CNGB3: variants seen among roughly 807,000 people sequenced by gnomAD.
CNGB3 encodes cyclic nucleotide-gated channel beta-3.
Under a neutral mutation model 92.8 loss-of-function variants are expected in CNGB3, and 86 were observed. The observed-to-expected ratio is 0.93, with a 90% CI of 0.78 to 1.11. The LOEUF is 1.11. Among genes scored for constraint, CNGB3 ranks in the 50% least tolerant of loss-of-function variants. The pLI, the probability that CNGB3 is intolerant of heterozygous loss-of-function variation, is 0.00. For synonymous variants in CNGB3, 333 were observed against 332.7 expected, an observed-to-expected ratio of 1.00 and a Z score of -0.01; for missense variants, 1,026 against 956.8, an observed-to-expected ratio of 1.07 and a Z score of -0.95.
intron 11 of CNGB3, among the ~76,000 whole-genome samples, chr8:86,630,556 A>G (rs1161439908): frequency 1.3e-5 from 2 of 152,182 alleles, no homozygotes; most frequent in Admixed American, 1.3e-4. Context: ...ATCACAAAAT[A>G]GAATATTGTA....
chr8:86,586,221 T>A (rs1821886250), intron 15 of CNGB3, among the ~76,000 whole-genome samples: 1 of 152,226 alleles, frequency 6.6e-6, no homozygotes, highest in South Asian at 2.1e-4. Flanking sequence ...ACACCTGCCC[T>A]CAAGCTGTTT....
intron 3 of CNGB3, among the ~76,000 whole-genome samples, chr8:86,680,458 A>G (rs1313023090): frequency 1.3e-5 from 2 of 152,218 alleles, no homozygotes; most frequent in Non-Finnish European, 2.9e-5. Context: ...GGAAGTGAAT[A>G]CAAGGGACCA....
chr8:86,659,034 T>C (rs1322492097), intron 6 of CNGB3: 2 of 976,580 alleles, frequency 2.0e-6, no homozygotes, highest in Admixed American at 1.9e-5. Context: ...GGCCTCCACT[T>C]ATAGCTGCTG....
At chr8:86,726,416 T>C (rs746779319) in intron 3 of CNGB3, 115 bp downstream of exon 3, 1 of 1,395,660 alleles carries the variant, frequency 7.2e-7, no homozygotes, top group Non-Finnish European at 1.0e-6. Flanking sequence ...GTTATGTGAC[T>C]ATTGAATTTT....
intron 3 of CNGB3, among the ~76,000 whole-genome samples, chr8:86,690,710 T>C (rs1428007936): frequency 2.6e-5 from 4 of 151,886 alleles, no homozygotes; most frequent in African/African-American, 9.7e-5. Flanking sequence ...TGTAAGACTT[T>C]AATCCATCTT....
At chr8:86,692,837 C>A (rs1213723848) in intron 3 of CNGB3, among the ~76,000 whole-genome samples, 1 of 151,758 alleles carries the variant, frequency 6.6e-6, no homozygotes, top group Non-Finnish European at 1.5e-5. Context: ...GAAGTTTTTG[C>A]TTTAAGGATG....
intron 10 of CNGB3, among the ~76,000 whole-genome samples, chr8:86,633,350 T>C (rs1197632992): frequency 6.6e-6 from 1 of 152,228 alleles, no homozygotes; most frequent in Non-Finnish European, 1.5e-5. Context: ...CATTATGTCC[T>C]TTTGGAATGC....
Position 86,632,806 on chromosome 8 carries a change from A to G in CNGB3, c.1266T>C (p.Phe422=). Residue 422 remains phenylalanine, a synonymous_variant, in exon 11 of 18, where the codon TTT becomes TTC. Coordinates refer to ENST00000320005, the MANE Select transcript of CNGB3 (RefSeq NM_019098.5). Reference sequence around the variant, plus strand: ...CTCCAGAAAAAAAATTCAAGAGTTGAAAAACAATTTCAAATAAAGTTTGTG... The same window carrying G: ...CTCCAGAAAAAAAATTCAAGAGTTGGAAAACAATTTCAAATAAAGTTTGTG... ...PEPQTLFEIV[F]QLLNFFSGVF... The G allele has an allele frequency of 6.2e-7, 1 of 1,613,138 alleles. No individual in the cohort carries two copies. Among genetic ancestry groups the G allele is most frequent in the Non-Finnish European group, 8.5e-7 (1 of 1,179,856 alleles).
Position 86,601,356 on chromosome 8 carries a change from C to A in CNGB3, c.1781+2737G>T, listed in dbSNP as rs77174131. 6.9e-3 allele frequency among the ~76,000 whole-genome samples: 1,055 copies of A among 152,114 alleles called. 14 individuals are homozygous for A. The highest frequency in any genetic ancestry group is 0.024 in the African/African-American group (1,009 of 41,502). On this transcript the variant is annotated intron_variant, in intron 15 of 17. Transcript: ENST00000320005. ...ACCACAAGGCCATCTCTCAGCAGACCCTGGGTCTCTCTTTTAGAAATGGGG... is the reference window on the plus strand; with the variant it reads ...ACCACAAGGCCATCTCTCAGCAGACACTGGGTCTCTCTTTTAGAAATGGGG...
Position 86,574,259 on chromosome 8 carries a change from C to T in CNGB3, c.*1545G>A, listed in dbSNP as rs1012299376. 2.2e-4 allele frequency: 34 copies of T among 152,072 alleles called. No individual in the cohort carries two copies. The highest frequency in any genetic ancestry group is 7.5e-4 in the African/African-American group (31 of 41,398). The allele number at this position is 152,072 out of a possible 1,614,324, so 9.4% of individuals were successfully genotyped here. On this transcript the variant is annotated 3_prime_UTR_variant, in exon 18 of 18. Coordinates refer to ENST00000320005, the MANE Select transcript of CNGB3 (RefSeq NM_019098.5). The stretch of plus-strand genomic sequence containing the variant: ...AAGCATATTGCTCACAAGTTGAGGA[C>T]TTTTGTCCTTTTCTTTTCCTATTAT...
chr8:86,710,272 T>C (rs1242980384), intron 3 of CNGB3, among the ~76,000 whole-genome samples: 2 of 152,240 alleles, frequency 1.3e-5, no homozygotes, highest in Non-Finnish European at 2.9e-5. Flanking sequence ...CTATTTCCCA[T>C]GCCTGAAGTT....
At chr8:86,711,843 A>C (rs898039420) in intron 3 of CNGB3, among the ~76,000 whole-genome samples, 22 of 150,276 alleles carry the variant, frequency 1.5e-4, no homozygotes, top group South Asian at 4.2e-4. Context: ...CTCTATATAT[A>C]TATATATATG....
chr8:86,723,190 C>T (rs1825004144), intron 3 of CNGB3, among the ~76,000 whole-genome samples: 1 of 152,066 alleles, frequency 6.6e-6, no homozygotes, highest in African/African-American at 2.4e-5. Flanking sequence ...CTCCCCAGTA[C>T]CTATTGATCA....
chr8:86,609,426 A>T (rs1822476804), intron 14 of CNGB3, among the ~76,000 whole-genome samples: 1 of 152,160 alleles, frequency 6.6e-6, no homozygotes, highest in African/African-American at 2.4e-5. Flanking sequence ...GGGATTGTAT[A>T]TTCTTGCTTC....
intron 10 of CNGB3, among the ~76,000 whole-genome samples, chr8:86,638,841 T>TTTTGTTTG (rs1217512439): frequency 6.8e-6 from 1 of 147,994 alleles, no homozygotes; most frequent in African/African-American, 2.4e-5. Flanking sequence ...TTTTTTTTTG[T>TTTTGTTTG]TTTGTTTGTT....
rs1822983829 is a variant in CNGB3, at chr8:86,632,626, G to C, written c.1320+126C>G. On this transcript the variant is annotated intron_variant, in intron 11 of 17. Coordinates refer to ENST00000320005, the MANE Select transcript of CNGB3 (RefSeq NM_019098.5). ...CATCCTCCTTCAACTCATTAAAATAGAAGAAAGTTAGTTCAAAAAAAGAAG... is the reference window on the plus strand; with the variant it reads ...CATCCTCCTTCAACTCATTAAAATACAAGAAAGTTAGTTCAAAAAAAGAAG... 4 of 978,916 alleles carry C rather than the reference G, an allele frequency of 4.1e-6. No homozygotes were observed. In the East Asian group the frequency reaches 9.8e-5, roughly 24 times the overall value. The allele number at this position is 978,916 out of a possible 1,614,324, so 60.6% of individuals were successfully genotyped here.
intron 10 of CNGB3, among the ~76,000 whole-genome samples, chr8:86,638,576 G>A (rs1334020993): frequency 6.6e-6 from 1 of 152,088 alleles, no homozygotes; most frequent in Non-Finnish European, 1.5e-5. Context: ...TGGCTATGAG[G>A]GAGAACGGTC....
At chr8:86,596,976 C>T (rs202074367) in intron 15 of CNGB3, among the ~76,000 whole-genome samples, 8 of 147,302 alleles carry the variant, frequency 5.4e-5, no homozygotes, top group South Asian at 2.1e-4. Flanking sequence ...AGTTGAACAA[C>T]GAGAACACAT....
At chr8:86,645,470 A>G (rs1429723788) in intron 8 of CNGB3, among the ~76,000 whole-genome samples, 2 of 151,158 alleles carry the variant, frequency 1.3e-5, no homozygotes, top group East Asian at 3.9e-4. Context: ...TCATCTGTAA[A>G]ATGAGATCAA....
Sources: gnomAD v4.1 joint callset for allele counts (sites outside exome capture counted in the v4.1 genomes callset) on GRCh38, gnomAD v4.1.1 for gene constraint, MANE v1.5 for transcripts, NCBI Gene and HGNC (gene_info 2026-07-23, HGNC 2026-07-21) for gene names.